Variants in BCLAF3 observed in about 807,000 individuals in gnomAD.
BCLAF3 encodes the protein BCLAF1 and THRAP3 family member 3.
In BCLAF3, 24 loss-of-function variants were observed where a neutral mutation model predicts 51.2. That is an observed-to-expected ratio of 0.47 (90% CI 0.34 to 0.66). The LOEUF (loss-of-function observed/expected upper bound fraction) is 0.66, where lower values mean the gene tolerates loss of function less well. BCLAF3 is among the 30% of genes least tolerant of loss of function. BCLAF3 has a pLI of 0.01. For synonymous variants in BCLAF3, 152 were observed against 176.6 expected (o/e 0.86, Z 1.10); for missense variants, 465 against 525.1 (o/e 0.89, Z 1.12).
intron 1 of BCLAF3, among the ~76,000 whole-genome samples, chrX:19,982,517 C>T (rs753542167): frequency 5.6e-5 from 6 of 107,548 alleles, no homozygotes; most frequent in African/African-American, 2.0e-4. Context: ...AGTTGTCTAT[C>T]ATTATCCTAC....
chrX:19,936,924 T>C (rs1230601723), intron 9 of BCLAF3, among the ~76,000 whole-genome samples: 1 of 112,214 alleles, frequency 8.9e-6, no homozygotes, highest in Admixed American at 9.5e-5. Flanking sequence ...AATCATTAAA[T>C]TGTACACCTA....
intron 4 of BCLAF3, among the ~76,000 whole-genome samples, chrX:19,956,060 T>C (rs1319829245): frequency 8.9e-6 from 1 of 112,146 alleles, no homozygotes; most frequent in African/African-American, 3.2e-5. Context: ...TATTTTGAAA[T>C]AAAATTCTGT....
At chrX:19,932,304 C>T (rs1040188730) in intron 10 of BCLAF3, among the ~76,000 whole-genome samples, 1 of 111,173 alleles carries the variant, frequency 9.0e-6, no homozygotes, top group African/African-American at 3.3e-5. Flanking sequence ...AAAAAACATC[C>T]CTGAGTCACA....
chrX:19,974,494 A>G (rs1287602655), intron 1 of BCLAF3, among the ~76,000 whole-genome samples: 1 of 112,315 alleles, frequency 8.9e-6, no homozygotes, highest in African/African-American at 3.2e-5. Flanking sequence ...CACTTGGGAG[A>G]AAATATTTAC....
intron 1 of BCLAF3, among the ~76,000 whole-genome samples, chrX:19,977,838 T>C (rs191298071): frequency 9.0e-6 from 1 of 111,710 alleles, no homozygotes; most frequent in African/African-American, 3.2e-5. Flanking sequence ...AATGCAGCTA[T>C]GACTTTCAGT....
intron 8 of BCLAF3, among the ~76,000 whole-genome samples, chrX:19,940,276 ATTTT>A (rs200568773): frequency 1.3e-4 from 13 of 101,395 alleles, no homozygotes; most frequent in African/African-American, 4.3e-4. Context: ...TTATTTATTT[ATTTT>A]TTTTTTTTTA....
chrX:19,941,642 G>T (rs1215251438), intron 8 of BCLAF3, among the ~76,000 whole-genome samples: 1 of 109,423 alleles, frequency 9.1e-6, no homozygotes, highest in Non-Finnish European at 1.9e-5. Context: ...TCTCTGTTTT[G>T]GTACCAGTAC....
At chrX:19,955,228 C>T (rs748953365) in intron 5 of BCLAF3, among the ~76,000 whole-genome samples, 163 bp downstream of exon 5, 72 of 111,996 alleles carry the variant, frequency 6.4e-4, no homozygotes, top group African/African-American at 2.1e-3. Flanking sequence ...CAACTAGGCT[C>T]GAATGAATGC....
At position 19,966,228 on chromosome X, in the gene BCLAF3, G is replaced by A; in HGVS notation, c.463C>T (p.Pro155Ser). The A allele has an allele frequency of 8.3e-7, 1 of 1,211,410 alleles. No individual in the cohort carries two copies. The highest frequency in any genetic ancestry group is 1.7e-5 in the African/African-American group (1 of 57,690). ...VRGSGKGGKPPQRSIADSFRF... is the reference protein window; with the variant it reads ...VRGSGKGGKPSQRSIADSFRF... ...AAAGAATCTGCTATTGACCTCTGAG[G>A]TGGTTTCCCTCCTTTTCCACTTCCT... The change falls in exon 3 of 12, where the codon CCT (proline) becomes TCT (serine). Residue 155 changes from proline (P) to serine (S), a missense_variant. By Grantham distance (74) the Pro-to-Ser change is moderately conservative. Coordinates refer to ENST00000379682, the MANE Select transcript of BCLAF3 (RefSeq NM_001367774.2).
At chrX:19,947,925 A>C (rs1327986548) in intron 8 of BCLAF3, among the ~76,000 whole-genome samples, 1 of 112,726 alleles carries the variant, frequency 8.9e-6, no homozygotes, top group Non-Finnish European at 1.9e-5. Context: ...CTTGATTTTA[A>C]AAGTTTATAT....
At chrX:19,968,879 C>T (rs1026896640) in intron 2 of BCLAF3, among the ~76,000 whole-genome samples, 3 of 111,525 alleles carry the variant, frequency 2.7e-5, no homozygotes, top group East Asian at 2.8e-4. Flanking sequence ...TTTGGGAGGC[C>T]GAGGCGGGCG....
In BCLAF3 at chrX:19,991,021, G is replaced by A. The variant is rs939097562; in HGVS notation, c.-148C>T. 9.6e-6 allele frequency among the ~76,000 whole-genome samples: 1 copy of A among 104,559 alleles called. No individual in the cohort carries two copies. Among genetic ancestry groups the A allele is most frequent in the African/African-American group, 3.5e-5 (1 of 28,791 alleles). The allele number at this position is 104,559 out of a possible 115,157, so 90.8% of individuals were successfully genotyped here. A position where few individuals can be genotyped will look rare whatever the true frequency, so the allele number is the denominator to read the frequency against. On this transcript the variant is annotated 5_prime_UTR_variant, in exon 1 of 12. Coordinates refer to ENST00000379682, the MANE Select transcript of BCLAF3 (RefSeq NM_001367774.2). ...CTCTGCCGCCGCCTCCCACAGCAGC[G>A]ACACCCCAGCCACCTCTGCCGGGCC...
At chrX:19,967,487 C>A (rs759650023) in intron 2 of BCLAF3, among the ~76,000 whole-genome samples, 2 of 111,906 alleles carry the variant, frequency 1.8e-5, no homozygotes, top group Non-Finnish European at 3.8e-5. Flanking sequence ...CTTCTCCATA[C>A]CTCAGCATTG....
chrX:19,945,078 G>C (rs1339607613), intron 8 of BCLAF3, among the ~76,000 whole-genome samples: 5 of 109,578 alleles, frequency 4.6e-5, no homozygotes, highest in African/African-American at 1.3e-4. Flanking sequence ...GGCTCCTGAG[G>C]CTTCTGCATT....
At chrX:19,967,872 G>C (rs2072113398) in intron 2 of BCLAF3, among the ~76,000 whole-genome samples, 1 of 112,007 alleles carries the variant, frequency 8.9e-6, no homozygotes, top group Non-Finnish European at 1.9e-5. Flanking sequence ...ACTGAACTTG[G>C]CAATATTGCC....
intron 8 of BCLAF3, among the ~76,000 whole-genome samples, chrX:19,944,013 CT>C: frequency 1.3e-5 from 1 of 78,369 alleles, no homozygotes; most frequent in Admixed American, 1.6e-4. Context: ...GAATTGATCC[CT>C]TTACCATTAT....
chrX:19,971,200 G>A (rs747020338), intron 1 of BCLAF3, among the ~76,000 whole-genome samples: 9 of 111,686 alleles, frequency 8.1e-5, no homozygotes, highest in Non-Finnish European at 1.5e-4. Context: ...AGCGATGCTC[G>A]ACCTCCCAGG....
chrX:19,935,561 A>T (rs1042133653), intron 10 of BCLAF3: 1 of 329,349 alleles, frequency 3.0e-6, no homozygotes, highest in African/African-American at 2.7e-5. Flanking sequence ...TGTTTTATGT[A>T]TTTGTGTTTC....
chrX:19,935,678 C>T, intron 10 of BCLAF3, 131 bp downstream of exon 10: 1 of 518,946 alleles, frequency 1.9e-6, no homozygotes. Context: ...CTATAAATGT[C>T]CAGAAATACT....
Sources: allele counts gnomAD v4.1 joint callset (sites outside exome capture counted in the v4.1 genomes callset), GRCh38; gene constraint gnomAD v4.1.1; transcripts MANE v1.5; gene names NCBI Gene and HGNC (gene_info 2026-07-23, HGNC 2026-07-21).